Variants in VPS13B observed in about 807,000 individuals in gnomAD.
VPS13B encodes vacuolar protein sorting 13 homolog B.
In VPS13B, 285 loss-of-function variants were observed where a neutral mutation model predicts 426.4. The ratio of observed to expected loss-of-function variants is 0.67; its 90% confidence interval spans 0.61 to 0.74. VPS13B has a LOEUF of 0.74. Ranked by LOEUF, VPS13B falls within the 30% of genes least tolerant of loss-of-function variation. The pLI, the probability that VPS13B is intolerant of heterozygous loss-of-function variation, is 0.00. For missense variants in VPS13B, 4,537 were observed against 4,782.6 expected, an observed-to-expected ratio of 0.95 and a Z score of 1.51; for synonymous variants, 1,676 against 1,676.4, an observed-to-expected ratio of 1.00 and a Z score of 0.01.
intron 19 of VPS13B, among the ~76,000 whole-genome samples, chr8:99,300,878 T>G (rs1297997433): frequency 6.8e-6 from 1 of 146,388 alleles, no homozygotes; most frequent in Non-Finnish European, 1.5e-5. Context: ...TTATTTAATA[T>G]AGTTTTTTTT....
chr8:99,318,365 A>G (rs1563665814), intron 19 of VPS13B, among the ~76,000 whole-genome samples: 3 of 152,332 alleles, frequency 2.0e-5, no homozygotes, highest in East Asian at 1.9e-4. Flanking sequence ...TGATAAAAAT[A>G]TAGCCTCTTT....
At chr8:99,680,955 CA>C (rs1410645744) in intron 35 of VPS13B, among the ~76,000 whole-genome samples, 2 of 152,016 alleles carry the variant, frequency 1.3e-5, no homozygotes, top group Non-Finnish European at 2.9e-5. Context: ...TTAAAAGTAT[CA>C]AAAAACAAAA....
intron 19 of VPS13B, among the ~76,000 whole-genome samples, chr8:99,365,844 A>C (rs966641959): frequency 1.3e-5 from 2 of 151,658 alleles, no homozygotes; most frequent in African/African-American, 4.8e-5. Flanking sequence ...TTCTTTATTG[A>C]TCTACTGGTC....
At chr8:99,799,829 A>G (rs778740130) in intron 43 of VPS13B, among the ~76,000 whole-genome samples, 1 of 152,178 alleles carries the variant, frequency 6.6e-6, no homozygotes, top group East Asian at 1.9e-4. Flanking sequence ...AGGTTTCTCT[A>G]TTGTTTGTAT....
intron 3 of VPS13B, among the ~76,000 whole-genome samples, chr8:99,091,350 A>T (rs1458029090): frequency 6.6e-6 from 1 of 152,152 alleles, no homozygotes; most frequent in Non-Finnish European, 1.5e-5. Flanking sequence ...GGTTAGTTAT[A>T]TCTTCCTTTG....
At chr8:99,549,257 GGTAGAATTCATTGAGTTTGATTTATT>G (rs1424079838) in intron 30 of VPS13B, among the ~76,000 whole-genome samples, 2 of 152,006 alleles carry the variant, frequency 1.3e-5, no homozygotes, top group Non-Finnish European at 2.9e-5. Context: ...AGAAAATGTG[GGTAGAATTCATTGAGTTTGATTTATT>G]AAATTGAGTA....
chr8:99,263,447 T>C (rs547020500), intron 17 of VPS13B, among the ~76,000 whole-genome samples: 1 of 152,352 alleles, frequency 6.6e-6, no homozygotes, highest in South Asian at 2.1e-4. Context: ...TTACGTAGTT[T>C]AGAAGACTGA....
chr8:99,306,453 A>G (rs1820641513), intron 19 of VPS13B, among the ~76,000 whole-genome samples: 1 of 152,176 alleles, frequency 6.6e-6, no homozygotes, highest in East Asian at 1.9e-4. Flanking sequence ...AGAAGTTGAT[A>G]GAATATATAC....
At position 99,165,565 on chromosome 8, in the gene VPS13B, A is replaced by G. The variant is rs537892898; in HGVS notation, c.2209-4474A>G. Among the ~76,000 whole-genome samples, 18 of 152,352 alleles carry G rather than the reference A, an allele frequency of 1.2e-4. No homozygotes were observed. The South Asian group carries it at 3.5e-3, about 30-fold the overall frequency. On this transcript the variant is annotated intron_variant, in intron 15 of 61. Transcript: ENST00000357162. ...AGCTGCAATACATACTTCAGACAGA[A>G]CAAGGAGTTAGAGTAGGATGGAAAC...
rs571445713 is a variant in VPS13B, at chr8:99,784,097, T to C, written c.7780-218T>C. ...GCGTGTATGATTTATTTTGAGGGAG[T>C]ATAAATCAAAACACATTCTTGGAAC... On this transcript the variant is annotated intron_variant, in intron 42 of 61. Coordinates refer to ENST00000357162, the MANE Select transcript of VPS13B (RefSeq NM_152564.5). Among the ~76,000 whole-genome samples the C allele has an allele frequency of 3.3e-5, 5 of 152,324 alleles. No homozygotes were observed. The South Asian group carries it at 8.3e-4, about 25-fold the overall frequency.
rs189457022 is a variant in VPS13B, at chr8:99,082,286, T to C, written c.292-14026T>C. 6.3e-3 allele frequency among the ~76,000 whole-genome samples: 964 copies of C among 152,344 alleles called. 8 individuals carry two copies. Among genetic ancestry groups the C allele is most frequent in the African/African-American group, 0.022 (905 of 41,578 alleles). ...TTTTGATAAGTGTCTGTTCATATCC[T>C]TTGCCCACTTTTTGATGGAGTTGTT... is the stretch of plus-strand genomic sequence containing the variant. On this transcript the variant is annotated intron_variant, in intron 3 of 61. Transcript: ENST00000357162.
rs142689120 is a variant in VPS13B, at chr8:99,864,018, G to A, written c.11215+2072G>A. ...TTGGCTCAAACCAGCTTCCTTTCCT[G>A]TAAGACTTCAAGGACTTCCTTTGTT... On this transcript the variant is annotated intron_variant, in intron 58 of 61. Transcript: ENST00000357162. Among the ~76,000 whole-genome samples, 1,005 of 152,238 alleles carry A rather than the reference G, an allele frequency of 6.6e-3. 6 individuals carry two copies. The highest frequency in any genetic ancestry group is 0.017 in the Middle Eastern group (5 of 294).
intron 54 of VPS13B, 103 bp from the exon 55 acceptor site, chr8:99,848,673 A>G (rs759406157): frequency 7.8e-6 from 8 of 1,026,186 alleles, no homozygotes; most frequent in Non-Finnish European, 9.2e-6. Flanking sequence ...ATAACCAGGA[A>G]TTGTTTGTGG....
chr8:99,128,225 A>C (rs1411696657), intron 8 of VPS13B, among the ~76,000 whole-genome samples: 1 of 151,544 alleles, frequency 6.6e-6, no homozygotes, highest in Non-Finnish European at 1.5e-5. Flanking sequence ...CGTCTTTACT[A>C]AAAATAGAGA....
chr8:99,835,288 T>C lies in VPS13B; in HGVS notation c.9706T>C (p.Cys3236Arg), dbSNP rs1815327230. The C allele has an allele frequency of 6.2e-7, 1 of 1,613,316 alleles. No homozygotes were observed. The highest frequency in any genetic ancestry group is 8.5e-7 in the Non-Finnish European group (1 of 1,179,308). ...TCCTCGAGTAATTATCCACAATAGA[T>C]GTCCAGTAAAAATGCTTATAAAGGA... The part of the protein sequence containing the change: ...PSPRVIIHNR[C>R]PVKMLIKENI... Residue 3236 changes from cysteine (C) to arginine (R), a missense_variant, in exon 53 of 62, where the codon TGT (cysteine) becomes CGT (arginine). Coordinates refer to ENST00000357162, the MANE Select transcript of VPS13B (RefSeq NM_152564.5).
chr8:99,174,295 A>G lies in VPS13B; in HGVS notation c.2333+4132A>G, dbSNP rs139116050. Among the ~76,000 whole-genome samples, 37 of 152,296 alleles carry G rather than the reference A, an allele frequency of 2.4e-4. 1 individual carries two copies. In the East Asian group the frequency reaches 5.2e-3, roughly 21 times the overall value. ...TGCTGCTGTGAACATGCATGTACAA[A>G]TATCTGTTTGAGTCTCTGCTTTCAG... On this transcript the variant is annotated intron_variant, in intron 16 of 61. Coordinates refer to ENST00000357162, the MANE Select transcript of VPS13B (RefSeq NM_152564.5).
intron 19 of VPS13B, among the ~76,000 whole-genome samples, chr8:99,290,682 A>G (rs1049752480): frequency 3.9e-5 from 6 of 151,998 alleles, no homozygotes; most frequent in African/African-American, 1.4e-4. Context: ...AAAAAAAGGT[A>G]GTTCAAGGAA....
At chr8:99,658,764 C>T (rs1458291318) in intron 34 of VPS13B, among the ~76,000 whole-genome samples, 2 of 152,092 alleles carry the variant, frequency 1.3e-5, no homozygotes, top group Non-Finnish European at 2.9e-5. Context: ...TCACAAACTA[C>T]CAATACAGGC....
chr8:99,343,575 T>C (rs1811368383), intron 19 of VPS13B, among the ~76,000 whole-genome samples: 1 of 152,226 alleles, frequency 6.6e-6, no homozygotes, highest in Non-Finnish European at 1.5e-5. Context: ...TTTGTGGTTA[T>C]TATTGCCTGT....
Sources: allele counts gnomAD v4.1 joint callset (sites outside exome capture counted in the v4.1 genomes callset), GRCh38; gene constraint gnomAD v4.1.1; transcripts MANE v1.5; gene names NCBI Gene and HGNC (gene_info 2026-07-23, HGNC 2026-07-21).